Variants in COMMD1 observed in about 807,000 individuals in gnomAD.
The protein encoded by COMMD1 is COMM domain-containing protein 1.
A neutral mutation model predicts 17.2 loss-of-function variants in COMMD1; 10 were observed. That is an observed-to-expected ratio of 0.58 (90% CI 0.36 to 0.99). COMMD1 has a LOEUF of 0.99. Ranked by LOEUF, COMMD1 falls within the 50% of genes least tolerant of loss-of-function variation. The pLI, the probability that COMMD1 is intolerant of heterozygous loss-of-function variation, is 0.01. For synonymous variants in COMMD1, 97 were observed against 91.6 expected, an observed-to-expected ratio of 1.06 and a Z score of -0.34; for missense variants, 270 against 231.8, an observed-to-expected ratio of 1.17 and a Z score of -1.07.
At chr2:61,968,016 C>T (rs1192857060) in intron 1 of COMMD1, among the ~76,000 whole-genome samples, 1 of 152,120 alleles carries the variant, frequency 6.6e-6, no homozygotes, top group Non-Finnish European at 1.5e-5. Flanking sequence ...CAAAAATTAG[C>T]CGGGCGTGGT....
At chr2:61,916,719 G>A (rs1302933510) in intron 1 of COMMD1, among the ~76,000 whole-genome samples, 1 of 152,122 alleles carries the variant, frequency 6.6e-6, no homozygotes, top group Non-Finnish European at 1.5e-5. Flanking sequence ...AAGCCACCAT[G>A]TCTGACCTGT....
upstream of COMMD1, among the ~76,000 whole-genome samples, chr2:61,902,975 C>A (rs190372082): frequency 1.9e-3 from 292 of 152,198 alleles, 1 homozygote; most frequent in African/African-American, 6.6e-3. Context: ...CTGCTTGCCA[C>A]CTTTTGATTT....
chr2:62,042,999 G>A (rs923465472), intron 2 of COMMD1, among the ~76,000 whole-genome samples: 3 of 152,188 alleles, frequency 2.0e-5, no homozygotes, highest in Admixed American at 2.0e-4. Context: ...TGAGAAGATT[G>A]TCTAGTATCC....
intron 2 of COMMD1, among the ~76,000 whole-genome samples, chr2:62,007,963 C>T (rs532314597): frequency 1.3e-5 from 2 of 152,174 alleles, no homozygotes; most frequent in Non-Finnish European, 2.9e-5. Context: ...AGGCAGATTA[C>T]TTGAGCCCAG....
At chr2:61,983,972 A>G (rs1672030643) in intron 1 of COMMD1, among the ~76,000 whole-genome samples, 1 of 152,168 alleles carries the variant, frequency 6.6e-6, no homozygotes. Flanking sequence ...ACTTATAGCT[A>G]TAAACTTCTT....
At chr2:61,946,989 T>G (rs985068717) in intron 1 of COMMD1, among the ~76,000 whole-genome samples, 1 of 152,212 alleles carries the variant, frequency 6.6e-6, no homozygotes, top group Non-Finnish European at 1.5e-5. Context: ...ATCTTTATTT[T>G]ACAGGGAAAT....
intron 1 of COMMD1, among the ~76,000 whole-genome samples, chr2:61,922,220 T>G (rs1264053591): frequency 6.6e-6 from 1 of 152,240 alleles, no homozygotes; most frequent in Non-Finnish European, 1.5e-5. Flanking sequence ...GCAGGGAAGA[T>G]TCTAAAGATT....
At chr2:61,889,958 G>A (rs1180174582) in intron 1 of COMMD1, among the ~76,000 whole-genome samples, 4 of 152,146 alleles carry the variant, frequency 2.6e-5, no homozygotes, top group African/African-American at 7.2e-5. Context: ...CCCAAAGAAG[G>A]AACTGAAGCC....
At chr2:61,915,006 CT>C (rs112968937) in intron 1 of COMMD1, among the ~76,000 whole-genome samples, 109,626 of 133,124 alleles carry the variant, frequency 0.82, 44,959 homozygotes, top group South Asian at 0.92. Context: ...CTTTTCTTTC[CT>C]TTTTTTTTTT....
intron 1 of COMMD1, among the ~76,000 whole-genome samples, chr2:61,935,572 G>C (rs66925744): frequency 0.14 from 21,088 of 151,370 alleles, 1,569 homozygotes; most frequent in East Asian, 0.21. Flanking sequence ...ATGTTGCAGT[G>C]AGCCGACCGA....
chr2:61,892,180 A>G lies in COMMD1; in HGVS notation n.119+3338A>G, dbSNP rs189346161. Reference sequence around the variant, plus strand: ...TTTCCAAAACAAAACAAAACCAAACAAACAAAAATACTTTCCTGTCAGATC... The same window carrying G: ...TTTCCAAAACAAAACAAAACCAAACGAACAAAAATACTTTCCTGTCAGATC... On this transcript the variant is annotated intron_variant and non_coding_transcript_variant, in intron 1 of 2. Transcript: ENST00000472729. Among the ~76,000 whole-genome samples the G allele has an allele frequency of 1.3e-3, 191 of 152,028 alleles. 1 individual carries two copies. The highest frequency in any genetic ancestry group is 4.4e-3 in the African/African-American group (182 of 41,490).
chr2:61,914,746 G>A (rs776922840), intron 1 of COMMD1, among the ~76,000 whole-genome samples: 2 of 151,272 alleles, frequency 1.3e-5, no homozygotes, highest in Non-Finnish European at 3.0e-5. Flanking sequence ...GCTGGAGTGC[G>A]GTGGTGCAAA....
intron 2 of COMMD1, among the ~76,000 whole-genome samples, chr2:62,033,570 C>A (rs1265514993): frequency 1.3e-5 from 2 of 151,732 alleles, no homozygotes; most frequent in African/African-American, 4.8e-5. Context: ...ACAGCAAGAC[C>A]CCCATCTGTA....
At chr2:61,910,593 A>G (rs770161030) in intron 1 of COMMD1, among the ~76,000 whole-genome samples, 2 of 151,982 alleles carry the variant, frequency 1.3e-5, no homozygotes, top group Admixed American at 6.6e-5. Context: ...TTATAATTCA[A>G]CTTCTTATAG....
chr2:61,915,556 A>T (rs1322156538), intron 1 of COMMD1: 1 of 283,522 alleles, frequency 3.5e-6, no homozygotes, highest in African/African-American at 2.3e-5. Flanking sequence ...TGGCATGATC[A>T]TGTCTCACTT....
rs142069732 is a variant in COMMD1 at position 61,906,508 on chromosome 2, A to T, written c.180+650A>T. Among the ~76,000 whole-genome samples, 206 of 152,332 alleles carry T rather than the reference A, an allele frequency of 1.4e-3. 2 individuals carry two copies. The highest frequency in any genetic ancestry group is 4.9e-3 in the African/African-American group (203 of 41,562). On this transcript the variant is annotated intron_variant, in intron 1 of 2. Coordinates refer to ENST00000311832, the MANE Select transcript of COMMD1 (RefSeq NM_152516.4). Reference sequence around the variant, plus strand: ...GTTACTTTTTTCACTAAATCTTCGAAATCCAGTATTTTACACTTAAAGCAC... The same window carrying T: ...GTTACTTTTTTCACTAAATCTTCGATATCCAGTATTTTACACTTAAAGCAC...
chr2:61,984,967 C>T (rs1672062938), intron 1 of COMMD1, among the ~76,000 whole-genome samples: 2 of 149,918 alleles, frequency 1.3e-5, no homozygotes, highest in African/African-American at 4.9e-5. Flanking sequence ...ATAAGTATAG[C>T]TACTCCTGCT....
intron 1 of COMMD1, among the ~76,000 whole-genome samples, chr2:61,894,371 G>A (rs1256967864): frequency 6.6e-6 from 1 of 151,822 alleles, no homozygotes; most frequent in African/African-American, 2.4e-5. Context: ...CAAAGTGTTG[G>A]GATTACAGGC....
chr2:62,099,073 G>T (rs777669209), intron 2 of COMMD1, among the ~76,000 whole-genome samples: 111 of 152,256 alleles, frequency 7.3e-4, no homozygotes, highest in Middle Eastern at 3.4e-3. Flanking sequence ...ATTTTATCCA[G>T]CTATTTCTGG....
Sources: gnomAD v4.1 joint callset for allele counts (sites outside exome capture counted in the v4.1 genomes callset) on GRCh38, gnomAD v4.1.1 for gene constraint, MANE v1.5 for transcripts, NCBI Gene and HGNC (gene_info 2026-07-23, HGNC 2026-07-21) for gene names.